The following GINS4 variants were observed in gnomAD, a reference collection of about 807,000 sequenced individuals.
GINS4 encodes the protein GINS complex subunit 4, also known as DNA replication complex GINS protein SLD5.
In GINS4, 20 loss-of-function variants were observed where a neutral mutation model predicts 31.1. That is an observed-to-expected ratio of 0.64 (90% CI 0.45 to 0.93). The LOEUF is 0.93. GINS4 is among the 40% of genes least tolerant of loss of function. GINS4 has a pLI of 0.00. For missense variants in GINS4, 245 were observed against 273.9 expected, an observed-to-expected ratio of 0.89 and a Z score of 0.75; for synonymous variants, 85 against 97.9, an observed-to-expected ratio of 0.87 and a Z score of 0.78.
At chr8:41,537,150 T>A in intron 3 of GINS4, 30 bp from the exon 4 acceptor site, 1 of 1,483,232 alleles carries the variant, frequency 6.7e-7, no homozygotes, top group South Asian at 1.1e-5. Flanking sequence ...ACATCATGTT[T>A]TTTATAAACC....
chr8:41,541,935 C>G, intron 7 of GINS4, 36 bp downstream of exon 7: 1 of 1,611,238 alleles, frequency 6.2e-7, no homozygotes. Context: ...GGGCACATTC[C>G]TCCCGATGGA....
intron 2 of GINS4, among the ~76,000 whole-genome samples, chr8:41,532,645 G>A (rs1806666113): frequency 6.6e-6 from 1 of 151,948 alleles, no homozygotes; most frequent in African/African-American, 2.4e-5. Context: ...GACCATCCTG[G>A]CCAACATGGC....
At chr8:41,536,282 G>T (rs1035935863) in intron 2 of GINS4, 78 bp from the exon 3 acceptor site, 5 of 868,552 alleles carry the variant, frequency 5.8e-6, no homozygotes, top group Non-Finnish European at 6.0e-6. Flanking sequence ...CCTGGTTTTC[G>T]TTGGACTTGG....
intron 4 of GINS4, among the ~76,000 whole-genome samples, chr8:41,539,415 C>G (rs1431015370): frequency 3.3e-5 from 5 of 151,792 alleles, no homozygotes; most frequent in Admixed American, 3.3e-4. Context: ...TGACATCTAC[C>G]CATTGAGTCA....
At chr8:41,539,634 A>G (rs187168709) in intron 4 of GINS4, 44 bp from the exon 5 acceptor site, 2 of 1,348,994 alleles carry the variant, frequency 1.5e-6, no homozygotes, top group Admixed American at 3.4e-5. Flanking sequence ...CTTCTCTTTG[A>G]CTTTTGCCAA....
At position 41,539,820 on chromosome 8, in the gene GINS4, A is replaced by T. The variant is rs764466719; in HGVS notation, c.395+45A>T. 1.9e-6 allele frequency: 3 copies of T among 1,589,072 alleles called. No individual in the cohort carries two copies. The South Asian group carries it at 3.3e-5, about 18-fold the overall frequency. The stretch of plus-strand genomic sequence containing the variant: ...GCGTGGGGCACCTGGCTGGTTCAGC[A>T]TGAGGCCTGTCCTAGAGGCCTGTGC... On this transcript the variant is annotated intron_variant, in intron 5 of 7. Transcript: ENST00000276533.
Position 41,542,531 on chromosome 8 carries a change from C to T in GINS4, c.*444C>T. 5.4e-6 allele frequency: 1 copy of T among 184,778 alleles called. No individual in the cohort carries two copies. The highest frequency in any genetic ancestry group is 1.3e-4 in the East Asian group (1 of 7,582). The allele number at this position is 184,778 out of a possible 1,614,324, so 11.4% of individuals were successfully genotyped here. A position where few individuals can be genotyped will look rare whatever the true frequency, so the allele number is the denominator to read the frequency against. On this transcript the variant is annotated 3_prime_UTR_variant, in exon 8 of 8. Coordinates refer to ENST00000276533, the MANE Select transcript of GINS4 (RefSeq NM_032336.3). Reference sequence around the variant, plus strand: ...AATTAGCCAGGCATGGTGGCGGGCCCATCTACTCAGGAGGCTGAGGCAGGA... The same window carrying T: ...AATTAGCCAGGCATGGTGGCGGGCCTATCTACTCAGGAGGCTGAGGCAGGA...
intron 4 of GINS4, 126 bp downstream of exon 4, chr8:41,537,419 A>C: frequency 1.6e-6 from 1 of 636,278 alleles, no homozygotes; most frequent in Non-Finnish European, 2.8e-6. Context: ...TAAGAGCCCA[A>C]TATCCATGTA....
At chr8:41,534,243 A>T (rs1318209323) in intron 2 of GINS4, 2 of 424,858 alleles carry the variant, frequency 4.7e-6, no homozygotes, top group Admixed American at 2.6e-5. Flanking sequence ...ATCTTTATTA[A>T]AAAAAATTTA....
chr8:41,535,711 C>T (rs553686792), intron 2 of GINS4, among the ~76,000 whole-genome samples: 1 of 152,290 alleles, frequency 6.6e-6, no homozygotes, highest in South Asian at 2.1e-4. Flanking sequence ...TTCTCTAAGC[C>T]TTGGAAGTCT....
intron 6 of GINS4, chr8:41,540,249 C>CTCGG: frequency 3.6e-6 from 2 of 549,752 alleles, no homozygotes; most frequent in East Asian, 6.4e-5. Context: ...TGCTTGTAGA[C>CTCGG]TCGGGCATGG....
Position 41,543,387 on chromosome 8 carries a change from T to C in GINS4, c.*1300T>C, listed in dbSNP as rs1315877027. 1 of 152,258 alleles carries C rather than the reference T, an allele frequency of 6.6e-6. No individual in the cohort carries two copies. The highest frequency in any genetic ancestry group is 1.5e-5 in the Non-Finnish European group (1 of 68,040). 9.4% of individuals were successfully genotyped at this position (152,258 alleles called of 1,614,324 possible). ...ATCTGGCTGTCCTTGGCCAAGGCAC[T>C]GTTAACGGAGTGACGTTAACCATCT... On this transcript the variant is annotated 3_prime_UTR_variant, in exon 8 of 8. Coordinates refer to ENST00000276533, the MANE Select transcript of GINS4 (RefSeq NM_032336.3).
rs971002603 is a variant in GINS4, at chr8:41,544,789, G to A, written c.*2702G>A. ...GATGTAGGTTCTGAAACAGGGTGAG[G>A]TCCAGGATCCTGCCTTTCTAAGGAG... On this transcript the variant is annotated 3_prime_UTR_variant, in exon 8 of 8. Coordinates refer to ENST00000276533, the MANE Select transcript of GINS4 (RefSeq NM_032336.3). 3.3e-5 allele frequency: 5 copies of A among 151,844 alleles called. No individual in the cohort carries two copies. Among genetic ancestry groups the A allele is most frequent in the South Asian group, 4.1e-4 (2 of 4,822 alleles). The allele number at this position is 151,844 out of a possible 1,614,324, so 9.4% of individuals were successfully genotyped here. A position where few individuals can be genotyped will look rare whatever the true frequency, so the allele number is the denominator to read the frequency against.
At chr8:41,533,469 C>A (rs1209750763) in intron 2 of GINS4, among the ~76,000 whole-genome samples, 4 of 152,166 alleles carry the variant, frequency 2.6e-5, no homozygotes, top group African/African-American at 9.7e-5. Flanking sequence ...GGTGGGTAAG[C>A]TGCAGTAACA....
Position 41,530,382 on chromosome 8 carries a change from G to A in GINS4, c.96+84G>A, listed in dbSNP as rs2150456538. 8 of 989,340 alleles carry A rather than the reference G, an allele frequency of 8.1e-6. No homozygotes were observed. The South Asian group carries it at 1.0e-4, about 13-fold the overall frequency. The allele number at this position is 989,340 out of a possible 1,614,324, so 61.3% of individuals were successfully genotyped here. A position where few individuals can be genotyped will look rare whatever the true frequency, so the allele number is the denominator to read the frequency against. On this transcript the variant is annotated intron_variant, in intron 2 of 7. Transcript: ENST00000276533. ...TGAATATCAGGGATCACAAGATGAG[G>A]AAACGGAATTTGGGGCTTACTTTAG... is the stretch of plus-strand genomic sequence containing the variant.
In GINS4 at chr8:41,541,885, C is replaced by T; in HGVS notation, c.561C>T (p.Asp187=). Residue 187 remains aspartate, a synonymous_variant, in exon 7 of 8, where the codon GAC becomes GAT. Coordinates refer to ENST00000276533, the MANE Select transcript of GINS4 (RefSeq NM_032336.3). ...ERQENILVEP[D]TDEQRDYVID... is the part of the protein sequence containing the mutation. ...AAGAAAACATACTGGTAGAACCAGA[C>T]ACAGATGAGCAGAGGTGAGTGGCGT... 1 of 1,614,056 alleles carries T rather than the reference C, an allele frequency of 6.2e-7. No homozygotes were observed. Among genetic ancestry groups the T allele is most frequent in the East Asian group, 2.2e-5 (1 of 44,888 alleles).
rs1301705824 is a variant in GINS4, at chr8:41,543,731, T to G, written c.*1644T>G. The G allele has an allele frequency of 1.3e-5, 2 of 150,786 alleles. No individual in the cohort carries two copies. Among genetic ancestry groups the G allele is most frequent in the Middle Eastern group, 3.2e-3 (1 of 314 alleles). The allele number at this position is 150,786 out of a possible 1,614,324, so 9.3% of individuals were successfully genotyped here. A position where few individuals can be genotyped will look rare whatever the true frequency, so the allele number is the denominator to read the frequency against. On this transcript the variant is annotated 3_prime_UTR_variant, in exon 8 of 8. Coordinates refer to ENST00000276533, the MANE Select transcript of GINS4 (RefSeq NM_032336.3). ...TTTTTTTTTCTTTTTTGAGACGGAG[T>G]TTCCCTCTTGTTACCCAGGCTGGAG... is the stretch of plus-strand genomic sequence containing the variant.
In GINS4 at chr8:41,531,770, G is replaced by A. The variant is rs117738072; in HGVS notation, c.96+1472G>A. On this transcript the variant is annotated intron_variant, in intron 2 of 7. Coordinates refer to ENST00000276533, the MANE Select transcript of GINS4 (RefSeq NM_032336.3). ...GAACAGCATTAAGAATTCCTGGTTCGTTAGGAAAGGGTTCATTAAACAAAA... is the reference window on the plus strand; with the variant it reads ...GAACAGCATTAAGAATTCCTGGTTCATTAGGAAAGGGTTCATTAAACAAAA... Among the ~76,000 whole-genome samples, 117 of 152,174 alleles carry A rather than the reference G, an allele frequency of 7.7e-4. 3 individuals carry two copies. The East Asian group carries it at 0.019, about 24-fold the overall frequency.
chr8:41,541,042 C>A (rs1806832276), intron 6 of GINS4, among the ~76,000 whole-genome samples: 1 of 147,012 alleles, frequency 6.8e-6, no homozygotes, highest in Non-Finnish European at 1.5e-5. Flanking sequence ...TCCCCTCCCT[C>A]CCCCCCACCT....
Sources: allele counts gnomAD v4.1 joint callset (sites outside exome capture counted in the v4.1 genomes callset), GRCh38; gene constraint gnomAD v4.1.1; transcripts MANE v1.5; gene names NCBI Gene and HGNC (gene_info 2026-07-23, HGNC 2026-07-21).